TRIM16: variants seen among roughly 807,000 people sequenced by gnomAD.
TRIM16 encodes the protein tripartite motif containing 16, also known as tripartite motif-containing protein 16.
TRIM16 carries 33 observed loss-of-function variants against 50.4 expected under a neutral mutation model. The observed-to-expected ratio is 0.65, with a 90% CI of 0.50 to 0.88. The LOEUF is 0.88. Among genes scored for constraint, TRIM16 ranks in the 40% least tolerant of loss-of-function variants. TRIM16 has a pLI of 0.00. For synonymous variants in TRIM16, 229 were observed against 270.7 expected (o/e 0.85, Z 1.51); for missense variants, 581 against 686.8 (o/e 0.85, Z 1.72).
intron 6 of TRIM16, among the ~76,000 whole-genome samples, chr17:15,666,248 ATTTATT>A (rs1290360581): frequency 6.6e-6 from 1 of 152,054 alleles, no homozygotes; most frequent in East Asian, 1.9e-4. Context: ...TTATGTATTT[ATTTATT>A]TTTATTTTTT....
At chr17:15,679,707 G>A (rs1181366933) in intron 4 of TRIM16, among the ~76,000 whole-genome samples, 1 of 152,208 alleles carries the variant, frequency 6.6e-6, no homozygotes, top group Non-Finnish European at 1.5e-5. Context: ...GGAGGCCGAG[G>A]CGGGCAGATC....
At chr17:15,671,220 A>G (rs1461470970) in intron 6 of TRIM16, among the ~76,000 whole-genome samples, 2 of 152,030 alleles carry the variant, frequency 1.3e-5, no homozygotes, top group Admixed American at 1.3e-4. Flanking sequence ...AGCATGTAAG[A>G]TGAAAACAGG....
At chr17:15,633,101 C>A (rs1464201367) in intron 9 of TRIM16, among the ~76,000 whole-genome samples, 2 of 152,230 alleles carry the variant, frequency 1.3e-5, no homozygotes, top group African/African-American at 4.8e-5. Context: ...TTGTCAGTTT[C>A]ATCCAATGCA....
chr17:15,631,987 C>T lies in TRIM16; in HGVS notation c.1016-273G>A, dbSNP rs556499559. On this transcript the variant is annotated intron_variant, in intron 10 of 11. Transcript: ENST00000649191. The stretch of plus-strand genomic sequence containing the variant: ...TAGTCACAGAAATGCCAGCCGATCG[C>T]ATAATATAAGCATGACTAATTGTCC... The T allele has an allele frequency of 7.8e-4, 378 of 484,234 alleles. 6 individuals carry two copies. Among genetic ancestry groups the T allele is most frequent in the South Asian group, 6.7e-3 (315 of 47,056 alleles). 30.0% of individuals were successfully genotyped at this position (484,234 alleles called of 1,614,324 possible).
intron 6 of TRIM16, among the ~76,000 whole-genome samples, chr17:15,665,197 G>A (rs910091137): frequency 6.6e-6 from 1 of 151,964 alleles, no homozygotes; most frequent in Admixed American, 6.5e-5. Context: ...CATGAGAAAA[G>A]GATCACATTA....
intron 9 of TRIM16, among the ~76,000 whole-genome samples, chr17:15,634,631 C>CA (rs529477449): frequency 0.015 from 1,280 of 82,604 alleles, 75 homozygotes; most frequent in African/African-American, 0.052. Context: ...AACTCAGTCT[C>CA]AAAAAAAAAA....
At chr17:15,659,888 G>A (rs1376566511) in intron 6 of TRIM16, among the ~76,000 whole-genome samples, 1 of 152,210 alleles carries the variant, frequency 6.6e-6, no homozygotes, top group Non-Finnish European at 1.5e-5. Flanking sequence ...CCTTCAAAAA[G>A]GGCAGACTTA....
intron 7 of TRIM16, among the ~76,000 whole-genome samples, chr17:15,650,809 C>A (rs1987651791): frequency 5.9e-5 from 9 of 152,176 alleles, no homozygotes. Context: ...CTGTATAAGG[C>A]ACAGCAGGAA....
intron 6 of TRIM16, among the ~76,000 whole-genome samples, chr17:15,652,371 G>A (rs1436002065): frequency 6.8e-6 from 1 of 147,652 alleles, no homozygotes; most frequent in East Asian, 2.0e-4. Flanking sequence ...ATCTTGGCCA[G>A]GCTGGTCTTG....
chr17:15,633,015 A>G (rs866033706), intron 9 of TRIM16: 17 of 171,290 alleles, frequency 9.9e-5, no homozygotes, highest in South Asian at 2.0e-4. Flanking sequence ...TTCCGTCAGT[A>G]CTTGTTTTTT....
chr17:15,674,346 G>A (rs1373124205), intron 6 of TRIM16, among the ~76,000 whole-genome samples: 1 of 151,554 alleles, frequency 6.6e-6, no homozygotes, highest in Non-Finnish European at 1.5e-5. Flanking sequence ...CTCCAGCCTG[G>A]TGACAGAGCA....
chr17:15,630,440 A>G (rs976060881), intron 11 of TRIM16, among the ~76,000 whole-genome samples: 10 of 152,172 alleles, frequency 6.6e-5, no homozygotes, highest in Non-Finnish European at 1.3e-4. Flanking sequence ...TTTGCATGGG[A>G]TTCTTCTCTA....
At chr17:15,670,579 C>G (rs1988683889) in intron 6 of TRIM16, among the ~76,000 whole-genome samples, 1 of 152,172 alleles carries the variant, frequency 6.6e-6, no homozygotes, top group South Asian at 2.1e-4. Context: ...TTCCAGATCT[C>G]CATCTCCTCA....
intron 6 of TRIM16, among the ~76,000 whole-genome samples, chr17:15,663,946 C>T (rs994220554): frequency 2.6e-5 from 4 of 152,290 alleles, no homozygotes; most frequent in South Asian, 2.1e-4. Flanking sequence ...TAAAACCACA[C>T]GTGGTGTGTA....
Position 15,634,657 on chromosome 17 carries a change from T to C in TRIM16, c.849+1379A>G, listed in dbSNP as rs534223463. Among the ~76,000 whole-genome samples, 101 of 89,126 alleles carry C rather than the reference T, an allele frequency of 1.1e-3. 5 individuals carry two copies. Among genetic ancestry groups the C allele is most frequent in the African/African-American group, 4.4e-3 (100 of 22,716 alleles). 58.5% of individuals were successfully genotyped at this position (89,126 alleles called of 152,430 possible). A position where few individuals can be genotyped will look rare whatever the true frequency, so the allele number is the denominator to read the frequency against. On this transcript the variant is annotated intron_variant, in intron 9 of 11. Transcript: ENST00000649191. ...AAAAAAAAAAAAAAACAAATAAAAATAAAAATTAGCCAGGTGTGGTGGCGG... is the reference window on the plus strand; with the variant it reads ...AAAAAAAAAAAAAAACAAATAAAAACAAAAATTAGCCAGGTGTGGTGGCGG...
At chr17:15,629,981 T>G (rs1161613885) in intron 11 of TRIM16, among the ~76,000 whole-genome samples, 1 of 152,232 alleles carries the variant, frequency 6.6e-6, no homozygotes, top group Non-Finnish European at 1.5e-5. Context: ...TGTTTCCAGC[T>G]GTAGGCTGAG....
intron 6 of TRIM16, among the ~76,000 whole-genome samples, chr17:15,663,180 A>G (rs1988320042): frequency 6.6e-6 from 1 of 152,096 alleles, no homozygotes; most frequent in Non-Finnish European, 1.5e-5. Flanking sequence ...CAACCACCCA[A>G]GTGCCCTCTG....
In TRIM16 at chr17:15,629,150, C is replaced by T; in HGVS notation, c.1160G>A (p.Arg387Gln). 7 of 1,612,622 alleles carry T rather than the reference C, an allele frequency of 4.3e-6. No individual in the cohort carries two copies. Among genetic ancestry groups the T allele is most frequent in the Non-Finnish European group, 5.9e-6 (7 of 1,179,116 alleles). The change falls in exon 12 of 12, where the codon CGG becomes CAG. Residue 387 changes from arginine to glutamine, a missense_variant. Around this residue, in one of 3 missense-constraint regions of TRIM16, gnomAD observed 450 missense variants for 544.3 expected, o/e 0.83. Transcript: ENST00000649191. ...FDPDTAHKYL[R>Q]LQEENRKVTN... ...GACCTTGCGGTTCTCCTCCTGCAGC[C>T]GGAGATACTTGTGTGCTGTGTCCGG...
At chr17:15,676,431 C>CTTTTTT (rs57392285) in intron 6 of TRIM16, among the ~76,000 whole-genome samples, 3 of 125,732 alleles carry the variant, frequency 2.4e-5, no homozygotes, top group African/African-American at 3.1e-5. Flanking sequence ...AGAATTTTTT[C>CTTTTTT]TTTTTTTTTT....
Sources: gnomAD v4.1 joint callset for allele counts (sites outside exome capture counted in the v4.1 genomes callset) on GRCh38, gnomAD v4.1.1 for gene constraint, gnomAD v4.1.1 regional missense constraint, MANE v1.5 for transcripts, NCBI Gene and HGNC (gene_info 2026-07-23, HGNC 2026-07-21) for gene names.